Variants in SDK1 observed in about 807,000 individuals in gnomAD.
SDK1 encodes the protein sidekick cell adhesion molecule 1.
In SDK1, 157 loss-of-function variants were observed where a neutral mutation model predicts 245.5. The observed-to-expected ratio is 0.64, with a 90% CI of 0.56 to 0.73. The LOEUF is 0.73. Ranked by LOEUF, SDK1 falls within the 30% of genes least tolerant of loss-of-function variation. The pLI is 0.00. For synonymous variants in SDK1, 1,647 were observed against 1,278.5 expected, an observed-to-expected ratio of 1.29 and a Z score of -6.15; for missense variants, 3,583 against 3,002.3, an observed-to-expected ratio of 1.19 and a Z score of -4.52.
chr7:3,545,616 G>C (rs914058131), intron 1 of SDK1, among the ~76,000 whole-genome samples: 3 of 152,282 alleles, frequency 2.0e-5, no homozygotes, highest in Middle Eastern at 3.4e-3. Context: ...TTACATGATT[G>C]AAATGAAACC....
intron 5 of SDK1, among the ~76,000 whole-genome samples, chr7:3,903,639 T>C (rs933934468): frequency 2.6e-5 from 4 of 152,186 alleles, no homozygotes; most frequent in Non-Finnish European, 5.9e-5. Context: ...GCAAGAGAAC[T>C]GAAAGCATAT....
chr7:3,836,254 C>A (rs1324393125), intron 5 of SDK1, among the ~76,000 whole-genome samples: 4 of 152,192 alleles, frequency 2.6e-5, no homozygotes, highest in Non-Finnish European at 5.9e-5. Flanking sequence ...AATATTAGTT[C>A]TGCATCTCCA....
At chr7:3,309,559 T>C (rs899368932) in intron 1 of SDK1, among the ~76,000 whole-genome samples, 1 of 145,460 alleles carries the variant, frequency 6.9e-6, no homozygotes, top group Admixed American at 7.0e-5. Flanking sequence ...GTGTATAAAC[T>C]GTTCCCAAAG....
Position 4,268,053 on chromosome 7 carries a change from TAAAAAGAGGACAAACA to T in SDK1, c.*2673_*2688del, listed in dbSNP as rs1199975086. On this transcript the variant is annotated 3_prime_UTR_variant, in exon 45 of 45. Transcript: ENST00000404826. ...GGAGGTTGGATTTTAATCTCGGTTT[TAAAAAGAGGACAAACA>T]AAATGTCTCTAAGCCAGGCTAGATG... is the stretch of plus-strand genomic sequence containing the variant. The T allele has an allele frequency of 1.1e-5, 11 of 985,444 alleles. No homozygotes were observed. In the South Asian group the frequency reaches 3.8e-4, roughly 34 times the overall value. 61.0% of individuals were successfully genotyped at this position (985,444 alleles called of 1,614,324 possible). A position where few individuals can be genotyped will look rare whatever the true frequency, so the allele number is the denominator to read the frequency against.
chr7:3,697,213 G>T (rs1347068727), intron 4 of SDK1, among the ~76,000 whole-genome samples: 2 of 152,176 alleles, frequency 1.3e-5, no homozygotes, highest in African/African-American at 2.4e-5. Flanking sequence ...ATGATTCTGT[G>T]TAGGGCTGTG....
At position 3,542,415 on chromosome 7, in the gene SDK1, G is replaced by A. The variant is rs926798263; in HGVS notation, c.299-76665G>A. On this transcript the variant is annotated intron_variant, in intron 1 of 44. Transcript: ENST00000404826. ...CCTTTGCTTTACACCTGCATAGCTG[G>A]TGTGGCCTTTTCTCCCAGGCTCCTG... Among the ~76,000 whole-genome samples the A allele has an allele frequency of 8.5e-5, 13 of 152,174 alleles. 1 individual carries two copies. Among genetic ancestry groups the A allele is most frequent in the Admixed American group, 8.5e-4 (13 of 15,274 alleles).
At position 3,969,312 on chromosome 7, in the gene SDK1, A is replaced by G; in HGVS notation, c.1602A>G (p.Glu534=). Residue 534 remains glutamate (E), a synonymous_variant, in exon 11 of 45, where the codon GAA becomes GAG. Coordinates refer to ENST00000404826, the MANE Select transcript of SDK1 (RefSeq NM_152744.4). ...GGATTCCTAGGTTCATGCTTCTTGA[A>G]TCGGGGGGTCTACAGATCGCGCCCG... ...SVRIPRFMLL[E]SGGLQIAPVF... 6.2e-7 allele frequency: 1 copy of G among 1,610,854 alleles called. No homozygotes were observed. The highest frequency in any genetic ancestry group is 8.5e-7 in the Non-Finnish European group (1 of 1,178,640).
chr7:3,476,591 A>G (rs1376120947), intron 1 of SDK1, among the ~76,000 whole-genome samples: 2 of 152,202 alleles, frequency 1.3e-5, no homozygotes, highest in African/African-American at 4.8e-5. Context: ...TGTGTTTTCT[A>G]CCTATGCCAT....
chr7:3,889,165 T>C (rs1360164982), intron 5 of SDK1, among the ~76,000 whole-genome samples: 1 of 152,230 alleles, frequency 6.6e-6, no homozygotes, highest in Non-Finnish European at 1.5e-5. Context: ...AATCAATGCC[T>C]CTGAGATTCA....
intron 1 of SDK1, among the ~76,000 whole-genome samples, chr7:3,505,119 T>A (rs942122342): frequency 3.9e-5 from 6 of 152,232 alleles, no homozygotes; most frequent in African/African-American, 1.4e-4. Context: ...TTCGTCAGAA[T>A]AAAGTAGGAA....
intron 1 of SDK1, among the ~76,000 whole-genome samples, chr7:3,535,116 A>T (rs920133756): frequency 6.6e-6 from 1 of 152,124 alleles, no homozygotes; most frequent in Non-Finnish European, 1.5e-5. Flanking sequence ...TCTACTTAAA[A>T]ATACAAAAAA....
At chr7:4,001,769 G>C (rs6964566) in intron 14 of SDK1, among the ~76,000 whole-genome samples, 56,341 of 152,082 alleles carry the variant, frequency 0.37, 12,775 homozygotes, top group African/African-American at 0.65. Context: ...CATCTACTTC[G>C]TACTCTTTCT....
chr7:3,545,008 A>G (rs1779171839), intron 1 of SDK1, among the ~76,000 whole-genome samples: 1 of 152,140 alleles, frequency 6.6e-6, no homozygotes, highest in Admixed American at 6.5e-5. Flanking sequence ...TCTTTTCTGC[A>G]GCAGGTGACC....
intron 35 of SDK1, among the ~76,000 whole-genome samples, chr7:4,201,338 T>A: frequency 6.6e-6 from 1 of 152,172 alleles, no homozygotes; most frequent in Non-Finnish European, 1.5e-5. Flanking sequence ...CGAGCAAGAT[T>A]TGCCAAGAAG....
intron 2 of SDK1, among the ~76,000 whole-genome samples, chr7:3,630,769 TG>T (rs756530004): frequency 6.6e-6 from 1 of 152,000 alleles, no homozygotes; most frequent in African/African-American, 2.4e-5. Flanking sequence ...CCTAAATCAA[TG>T]GGCAGATACA....
intron 32 of SDK1, among the ~76,000 whole-genome samples, chr7:4,171,589 G>A (rs999998743): frequency 5.8e-4 from 89 of 152,224 alleles, no homozygotes; most frequent in African/African-American, 1.9e-3. Context: ...CCGTGAAGGC[G>A]GCCAGCCAGG....
intron 1 of SDK1, among the ~76,000 whole-genome samples, chr7:3,400,345 G>A (rs1353177842): frequency 6.6e-6 from 1 of 152,096 alleles, no homozygotes; most frequent in Non-Finnish European, 1.5e-5. Context: ...TTTGAAAATT[G>A]TGGCAGCATT....
chr7:3,552,392 C>G (rs552550155), intron 1 of SDK1, among the ~76,000 whole-genome samples: 2 of 152,132 alleles, frequency 1.3e-5, no homozygotes, highest in Non-Finnish European at 2.9e-5. Flanking sequence ...TCCTGTCCCC[C>G]AGTAGATGCT....
intron 20 of SDK1, among the ~76,000 whole-genome samples, chr7:4,072,001 C>G (rs977063122): frequency 4.6e-5 from 7 of 152,240 alleles, no homozygotes; most frequent in African/African-American, 1.4e-4. Context: ...AGAAAAAAAT[C>G]CATGGGCATA....
Sources: gnomAD v4.1 joint callset for allele counts (sites outside exome capture counted in the v4.1 genomes callset) on GRCh38, gnomAD v4.1.1 for gene constraint, MANE v1.5 for transcripts, NCBI Gene and HGNC (gene_info 2026-07-23, HGNC 2026-07-21) for gene names.